BCAR3: variants seen among roughly 807,000 people sequenced by gnomAD.
BCAR3 encodes breast cancer anti-estrogen resistance protein 3.
BCAR3 carries 37 observed loss-of-function variants against 80.1 expected under a neutral mutation model. The observed-to-expected ratio is 0.46, with a 90% CI of 0.36 to 0.61. BCAR3 has a LOEUF of 0.61. Among genes scored for constraint, BCAR3 ranks in the 20% least tolerant of loss-of-function variants. The probability of loss-of-function intolerance (pLI) is 0.00; values close to 1 mark genes in which losing one functional copy is unlikely to be tolerated. For synonymous variants in BCAR3, 389 were observed against 418.9 expected (o/e 0.93, Z 0.87); for missense variants, 978 against 1,068.2 (o/e 0.92, Z 1.18).
intron 2 of BCAR3, among the ~76,000 whole-genome samples, chr1:93,831,740 C>T (rs1191416150): frequency 6.6e-6 from 1 of 152,112 alleles, no homozygotes; most frequent in Non-Finnish European, 1.5e-5. Flanking sequence ...CCCAATTCTT[C>T]CTCAGCCTCC....
intron 2 of BCAR3, among the ~76,000 whole-genome samples, chr1:93,832,770 A>G (rs780947154): frequency 6.6e-5 from 10 of 152,096 alleles, no homozygotes; most frequent in Non-Finnish European, 1.3e-4. Context: ...ACATTCTTTT[A>G]TGCACTCCTT....
intron 11 of BCAR3, among the ~76,000 whole-genome samples, 178 bp from the exon 12 acceptor site, chr1:93,562,597 G>A (rs1300866018): frequency 6.6e-6 from 1 of 151,678 alleles, no homozygotes; most frequent in Non-Finnish European, 1.5e-5. Context: ...GTGAAATCCC[G>A]TCTCTACTAA....
chr1:93,636,462 G>A (rs544801890), intron 3 of BCAR3, among the ~76,000 whole-genome samples: 61 of 152,106 alleles, frequency 4.0e-4, no homozygotes, highest in African/African-American at 1.2e-3. Context: ...CACTGCGGTA[G>A]CCTGGAGAGC....
Position 93,562,719 on chromosome 1 carries a change from G to A in BCAR3, c.2300-300C>T, listed in dbSNP as rs541295317. ...CCGGGAGGTGGAGCTTGCAGTGAGC[G>A]AGACTGCGCCACTGCACTGCAGCCT... On this transcript the variant is annotated intron_variant, in intron 11 of 11. Coordinates refer to ENST00000260502, the MANE Select transcript of BCAR3 (RefSeq NM_003567.4). Among the ~76,000 whole-genome samples, 13 of 144,712 alleles carry A rather than the reference G, an allele frequency of 9.0e-5. No individual in the cohort carries two copies. The South Asian group carries it at 2.4e-3, about 26-fold the overall frequency. 94.9% of individuals were successfully genotyped at this position (144,712 alleles called of 152,430 possible).
chr1:93,802,478 G>A (rs6541396), intron 2 of BCAR3, among the ~76,000 whole-genome samples: 47,767 of 151,996 alleles, frequency 0.31, 10,832 homozygotes, highest in African/African-American at 0.64. Context: ...AGTAAAACCA[G>A]TAGGATCCTG....
chr1:93,705,840 G>C (rs535538256), intron 3 of BCAR3, among the ~76,000 whole-genome samples: 1 of 151,740 alleles, frequency 6.6e-6, no homozygotes, highest in African/African-American at 2.4e-5. Flanking sequence ...GTCATTACTG[G>C]AAGGGAGAGG....
At chr1:93,585,708 A>G (rs949098158) in intron 5 of BCAR3, among the ~76,000 whole-genome samples, 1 of 152,160 alleles carries the variant, frequency 6.6e-6, no homozygotes, top group Admixed American at 6.5e-5. Flanking sequence ...TCTAAATATC[A>G]GGTCTTGCCT....
At chr1:93,816,690 A>AAAAAAG (rs1557697807) in intron 2 of BCAR3, among the ~76,000 whole-genome samples, 1 of 150,960 alleles carries the variant, frequency 6.6e-6, no homozygotes, top group African/African-American at 2.4e-5. Flanking sequence ...AAAAAAAAAA[A>AAAAAAG]AAAAAGAAAT....
chr1:93,665,117 C>A (rs1457692175), intron 2 of BCAR3, among the ~76,000 whole-genome samples: 1 of 152,148 alleles, frequency 6.6e-6, no homozygotes, highest in Non-Finnish European at 1.5e-5. Flanking sequence ...AGACACCCAT[C>A]CTCAACGTGG....
At chr1:93,843,262 G>T (rs561989415) in intron 2 of BCAR3, among the ~76,000 whole-genome samples, 1 of 152,280 alleles carries the variant, frequency 6.6e-6, no homozygotes, top group African/African-American at 2.4e-5. Flanking sequence ...GTAGGAGTGG[G>T]GTAGGGAGCT....
intron 8 of BCAR3, 34 bp from the exon 9 acceptor site, chr1:93,571,875 G>T (rs751891225): frequency 3.8e-6 from 6 of 1,596,228 alleles, no homozygotes; most frequent in Non-Finnish European, 4.3e-6. Flanking sequence ...CAGGTTCAGG[G>T]CCAATGGGAC....
At chr1:93,708,739 A>G (rs536108927) in intron 2 of BCAR3, among the ~76,000 whole-genome samples, 29 of 152,316 alleles carry the variant, frequency 1.9e-4, no homozygotes, top group Middle Eastern at 3.4e-3. Flanking sequence ...ACAAAAAAAG[A>G]CCATCTCAAT....
chr1:93,589,449 G>A, intron 4 of BCAR3, 30 bp from the exon 5 acceptor site: 1 of 1,571,290 alleles, frequency 6.4e-7, no homozygotes, highest in South Asian at 1.1e-5. Flanking sequence ...GTGAGGAGTA[G>A]GAAAGGCAAA....
chr1:93,767,317 G>T (rs984867110), intron 2 of BCAR3, among the ~76,000 whole-genome samples: 2 of 152,136 alleles, frequency 1.3e-5, no homozygotes, highest in African/African-American at 4.8e-5. Flanking sequence ...GAGCACAGGA[G>T]TTCCAGACCA....
At chr1:93,675,123 C>T (rs190246747) in intron 1 of BCAR3, among the ~76,000 whole-genome samples, 182 bp from the exon 2 acceptor site, 169 of 152,286 alleles carry the variant, frequency 1.1e-3, no homozygotes, top group African/African-American at 4.0e-3. Context: ...ACTTATCTTC[C>T]TCCTGAAATG....
rs78349214 is a variant in BCAR3 at position 93,567,380 on chromosome 1, T to C, written c.2198A>G (p.Asn733Ser). ...CAGCATGATTTCACAGCTCTGGTCG[T>C]TTTTTTCCCACATGTCGGTTCCTTC... The part of the protein sequence containing the change: ...TFEGTDMWEK[N>S]DQSCEIMLNH... Residue 733 changes from asparagine (N) to serine (S), a missense_variant, in exon 11 of 12, where the codon AAC becomes AGC. By Grantham distance (46) the Asn-to-Ser change is conservative. Coordinates refer to ENST00000260502, the MANE Select transcript of BCAR3 (RefSeq NM_003567.4). 3,296 of 1,614,120 alleles carry C rather than the reference T, an allele frequency of 2.0e-3. 71 individuals carry two copies. The African/African-American group carries it at 0.04, about 20-fold the overall frequency.
chr1:93,592,225 G>T lies in BCAR3; in HGVS notation c.486+40C>A. On this transcript the variant is annotated intron_variant, in intron 4 of 11. Transcript: ENST00000260502. The surrounding 1 kb of genome is among the most constrained non-coding windows in gnomAD (Gnocchi z 4.8). ...GGTCATCAATCTGTACATTGCCTGA[G>T]AGCAGCCGTGTATGCTCTGGAAGGG... is the stretch of plus-strand genomic sequence containing the variant. 1 of 1,611,840 alleles carries T rather than the reference G, an allele frequency of 6.2e-7. No individual in the cohort carries two copies. The highest frequency in any genetic ancestry group is 8.5e-7 in the Non-Finnish European group (1 of 1,179,648).
intron 2 of BCAR3, among the ~76,000 whole-genome samples, chr1:93,842,302 C>A (rs1428562766): frequency 1.3e-5 from 2 of 152,040 alleles, no homozygotes; most frequent in Non-Finnish European, 2.9e-5. Context: ...CAGGCATGTG[C>A]CACCACACCT....
In BCAR3 at chr1:93,749,394, C is replaced by T. The variant is rs190982572; in HGVS notation, c.-62-43252G>A. Among the ~76,000 whole-genome samples, 309 of 152,020 alleles carry T rather than the reference C, an allele frequency of 2.0e-3. 1 individual carries two copies. Among genetic ancestry groups the T allele is most frequent in the African/African-American group, 7.3e-3 (301 of 41,466 alleles). ...ATGAGGTCACGAGATCGAGACCATC[C>T]TGGCTAACATGGTGAAACCCCGTCT... On this transcript the variant is annotated intron_variant, in intron 2 of 13. Coordinates refer to the BCAR3 transcript ENST00000370244.
Sources: allele counts gnomAD v4.1 joint callset (sites outside exome capture counted in the v4.1 genomes callset), GRCh38; gene constraint gnomAD v4.1.1; non-coding constraint Gnocchi (gnomAD v3.1); transcripts MANE v1.5; gene names NCBI Gene and HGNC (gene_info 2026-07-23, HGNC 2026-07-21).